Variants in ROBO2 observed in about 807,000 individuals in gnomAD.
ROBO2 encodes roundabout homolog 2.
ROBO2 carries 53 observed loss-of-function variants against 160.8 expected under a neutral mutation model. That is an observed-to-expected ratio of 0.33 (90% CI 0.26 to 0.41). The LOEUF (loss-of-function observed/expected upper bound fraction) is 0.41. Ranked by LOEUF, ROBO2 falls within the 10% of genes least tolerant of loss-of-function variation. ROBO2 has a pLI of 1.00. For synonymous variants in ROBO2, 664 were observed against 611.7 expected, an observed-to-expected ratio of 1.09 and a Z score of -1.26; for missense variants, 1,577 against 1,722.4, an observed-to-expected ratio of 0.92 and a Z score of 1.49.
At chr3:76,076,331 G>A (rs1324467825) in intron 2 of ROBO2, among the ~76,000 whole-genome samples, 1 of 152,140 alleles carries the variant, frequency 6.6e-6, no homozygotes, top group African/African-American at 2.4e-5. Flanking sequence ...CAGCACAACT[G>A]TTTTAGTCTT....
intron 2 of ROBO2, among the ~76,000 whole-genome samples, chr3:77,326,058 C>T (rs1323766019): frequency 6.6e-6 from 1 of 152,098 alleles, no homozygotes; most frequent in Non-Finnish European, 1.5e-5. Flanking sequence ...GGGAAAATAG[C>T]AATTAGCACC....
intron 2 of ROBO2, among the ~76,000 whole-genome samples, chr3:75,950,531 A>C (rs1401286361): frequency 6.6e-6 from 1 of 152,134 alleles, no homozygotes; most frequent in East Asian, 1.9e-4. Context: ...CCACTCCATT[A>C]TATAGAAGAG....
rs1218073710 is a variant in ROBO2, at chr3:76,330,944, T to C, written c.109+393342T>C. 2.6e-5 allele frequency among the ~76,000 whole-genome samples: 4 copies of C among 152,360 alleles called. No individual in the cohort carries two copies. In the East Asian group the frequency reaches 5.8e-4, roughly 22 times the overall value. Reference sequence around the variant, plus strand: ...TATTCCCATAAGAAATGTTCATTGCTAGACAGTGCTAAATGTGCTCTATCT... The same window carrying C: ...TATTCCCATAAGAAATGTTCATTGCCAGACAGTGCTAAATGTGCTCTATCT... On this transcript the variant is annotated intron_variant, in intron 2 of 26. Transcript: ENST00000487694.
chr3:76,674,619 C>CACACAT (rs1255690609), intron 2 of ROBO2, among the ~76,000 whole-genome samples: 1 of 151,940 alleles, frequency 6.6e-6, no homozygotes, highest in African/African-American at 2.4e-5. Flanking sequence ...CACACACACA[C>CACACAT]ACACACACAC....
intron 2 of ROBO2, among the ~76,000 whole-genome samples, chr3:76,049,403 A>ATATATATT (rs1414664360): frequency 3.7e-5 from 2 of 53,760 alleles, no homozygotes; most frequent in East Asian, 1.3e-3. Flanking sequence ...ATATATATAT[A>ATATATATT]TTTTTTTTTT....
chr3:77,463,786 G>T (rs2082483956), intron 2 of ROBO2, among the ~76,000 whole-genome samples: 1 of 151,972 alleles, frequency 6.6e-6, no homozygotes, highest in Non-Finnish European at 1.5e-5. Flanking sequence ...TCACCATGTT[G>T]CCCAAAATGG....
intron 2 of ROBO2, among the ~76,000 whole-genome samples, chr3:76,695,586 G>A (rs2092910540): frequency 6.6e-6 from 1 of 152,010 alleles, no homozygotes; most frequent in African/African-American, 2.4e-5. Context: ...ATATTATATG[G>A]CATTTTATAG....
At chr3:77,544,709 T>C (rs1011545244) in intron 6 of ROBO2, among the ~76,000 whole-genome samples, 1 of 152,066 alleles carries the variant, frequency 6.6e-6, no homozygotes, top group Non-Finnish European at 1.5e-5. Context: ...TTACCAGACA[T>C]CACTCATGGT....
Position 77,179,659 on chromosome 3 carries a change from G to T in ROBO2, c.388+81319G>T, listed in dbSNP as rs373997570. Among the ~76,000 whole-genome samples the T allele has an allele frequency of 6.6e-5, 10 of 152,050 alleles. No individual in the cohort carries two copies. In the East Asian group the frequency reaches 1.2e-3, roughly 18 times the overall value. ...TCTTTTCTTTTGCTATCTATGTCCC[G>T]TTTCTTTTAAACCTTGAATGTAACA... On this transcript the variant is annotated intron_variant, in intron 2 of 25. Coordinates refer to ENST00000461745, the Ensembl canonical transcript of ROBO2.
intron 2 of ROBO2, among the ~76,000 whole-genome samples, chr3:76,928,301 G>C (rs2077111857): frequency 6.6e-6 from 1 of 152,090 alleles, no homozygotes; most frequent in East Asian, 1.9e-4. Flanking sequence ...AGAAAGGAAA[G>C]CAGCCCTACC....
At chr3:75,927,846 C>T (rs551473356) in intron 1 of ROBO2, among the ~76,000 whole-genome samples, 2 of 152,020 alleles carry the variant, frequency 1.3e-5, no homozygotes, top group Non-Finnish European at 2.9e-5. Flanking sequence ...TAAAATAAAA[C>T]GTAACATGTT....
At chr3:76,005,557 T>C (rs1239705108) in intron 2 of ROBO2, among the ~76,000 whole-genome samples, 1 of 152,192 alleles carries the variant, frequency 6.6e-6, no homozygotes, top group Admixed American at 6.6e-5. Context: ...GAGCTTAAAA[T>C]CTAATCCACC....
chr3:77,006,443 C>A (rs912053822), intron 2 of ROBO2, among the ~76,000 whole-genome samples: 3 of 151,430 alleles, frequency 2.0e-5, no homozygotes, highest in African/African-American at 7.3e-5. Flanking sequence ...AGAGAAAAAC[C>A]ACAGCAAATT....
intron 2 of ROBO2, among the ~76,000 whole-genome samples, chr3:77,291,883 G>A (rs1490861014): frequency 1.3e-5 from 2 of 151,144 alleles, no homozygotes. Context: ...TAAAATTGAT[G>A]GATAAACGGG....
At chr3:76,365,854 A>T (rs1160077256) in intron 2 of ROBO2, among the ~76,000 whole-genome samples, 1 of 152,106 alleles carries the variant, frequency 6.6e-6, no homozygotes, top group Non-Finnish European at 1.5e-5. Context: ...GTATCTAATT[A>T]TTCAGAAGAG....
intron 16 of ROBO2, among the ~76,000 whole-genome samples, chr3:77,587,685 C>T (rs555310216): frequency 6.6e-6 from 1 of 152,088 alleles, no homozygotes; most frequent in Non-Finnish European, 1.5e-5. Context: ...AAAATCATGA[C>T]TTCAAAGATC....
At chr3:77,525,397 G>C (rs905065746) in intron 6 of ROBO2, among the ~76,000 whole-genome samples, 4 of 142,382 alleles carry the variant, frequency 2.8e-5, no homozygotes, top group African/African-American at 1.0e-4. Flanking sequence ...GATCTACTCA[G>C]TTATTTCCCA....
chr3:75,993,073 A>G (rs918401741), intron 2 of ROBO2, among the ~76,000 whole-genome samples: 6 of 152,038 alleles, frequency 3.9e-5, no homozygotes, highest in Admixed American at 3.9e-4. Context: ...GAAACTTTGG[A>G]CTGTGGACTT....
chr3:77,260,985 C>T (rs1164557898), intron 2 of ROBO2, among the ~76,000 whole-genome samples: 1 of 152,064 alleles, frequency 6.6e-6, no homozygotes, highest in African/African-American at 2.4e-5. Flanking sequence ...GCTGGGCTTC[C>T]TGGGATTGTC....
Sources: allele counts gnomAD v4.1 joint callset (sites outside exome capture counted in the v4.1 genomes callset), GRCh38; gene constraint gnomAD v4.1.1; transcripts MANE v1.5; gene names NCBI Gene and HGNC (gene_info 2026-07-23, HGNC 2026-07-21).